Variants in SORCS1 observed in about 807,000 individuals in gnomAD.
SORCS1 encodes the protein VPS10 domain-containing receptor SorCS1.
Under a neutral mutation model 146.1 loss-of-function variants are expected in SORCS1, and 60 were observed. The observed-to-expected ratio is 0.41, with a 90% CI of 0.33 to 0.51. The LOEUF (loss-of-function observed/expected upper bound fraction) is 0.51, where lower values mean the gene tolerates loss of function less well. SORCS1 is among the 20% of genes least tolerant of loss of function. SORCS1 has a pLI of 0.21. For missense variants in SORCS1, 1,352 were observed against 1,487.6 expected, an observed-to-expected ratio of 0.91 and a Z score of 1.50; for synonymous variants, 637 against 584.0, an observed-to-expected ratio of 1.09 and a Z score of -1.31.
At chr10:106,817,754 G>A (rs976032700) in intron 3 of SORCS1, among the ~76,000 whole-genome samples, 10 of 152,144 alleles carry the variant, frequency 6.6e-5, no homozygotes, top group African/African-American at 2.4e-4. Flanking sequence ...CCATCTGTGA[G>A]CTCTCTGCAG....
At chr10:106,887,106 G>T (rs182875295) in intron 2 of SORCS1, among the ~76,000 whole-genome samples, 1 of 152,254 alleles carries the variant, frequency 6.6e-6, no homozygotes, top group East Asian at 1.9e-4. Flanking sequence ...GCACACATCA[G>T]TCACATGAGA....
At chr10:106,864,864 G>T (rs960533164) in intron 2 of SORCS1, among the ~76,000 whole-genome samples, 1 of 152,198 alleles carries the variant, frequency 6.6e-6, no homozygotes, top group African/African-American at 2.4e-5. Flanking sequence ...CTATGAAAAC[G>T]TGACTAGACT....
intron 2 of SORCS1, among the ~76,000 whole-genome samples, chr10:106,907,231 A>T (rs867368124): frequency 1.3e-5 from 2 of 152,220 alleles, no homozygotes; most frequent in South Asian, 4.1e-4. Context: ...CAGTAATAAC[A>T]CACTGGAAAG....
At chr10:107,174,085 T>G in the SORCS1 span, among the ~76,000 whole-genome samples, 1 of 152,236 alleles carries the variant, frequency 6.6e-6, no homozygotes. Flanking sequence ...TAAATCAGTA[T>G]TTTAAAAATA....
intron 3 of SORCS1, among the ~76,000 whole-genome samples, chr10:106,795,395 T>C (rs1355589911): frequency 6.6e-6 from 1 of 152,212 alleles, no homozygotes; most frequent in Non-Finnish European, 1.5e-5. Flanking sequence ...TGGTACATAG[T>C]AGATACTTAA....
intron 1 of SORCS1, among the ~76,000 whole-genome samples, chr10:107,038,696 C>CGGGGGGGGG (rs58516423): frequency 1.3e-5 from 2 of 149,872 alleles, no homozygotes; most frequent in African/African-American, 4.9e-5. Flanking sequence ...GGGCAGGGGG[C>CGGGGGGGGG]GGGGGGGGAG....
intron 1 of SORCS1, among the ~76,000 whole-genome samples, chr10:107,043,631 G>A (rs1959190810): frequency 6.6e-6 from 1 of 152,052 alleles, no homozygotes; most frequent in South Asian, 2.1e-4. Flanking sequence ...ATTGTCTTCA[G>A]CTGTTCAAGG....
At chr10:106,630,675 A>T (rs192072299) in intron 18 of SORCS1, among the ~76,000 whole-genome samples, 1 of 152,328 alleles carries the variant, frequency 6.6e-6, no homozygotes, top group African/African-American at 2.4e-5. Context: ...GCAGTAAATT[A>T]ATTACAGATT....
intron 1 of SORCS1, among the ~76,000 whole-genome samples, chr10:106,976,325 G>GTGTT (rs1956001147): frequency 1.1e-5 from 1 of 90,488 alleles, no homozygotes; most frequent in Non-Finnish European, 2.0e-5. Context: ...CATCATCTAG[G>GTGTT]TTTTTTTGTT....
chr10:107,165,328 T>C (rs2062014586), upstream of SORCS1, among the ~76,000 whole-genome samples: 1 of 150,498 alleles, frequency 6.6e-6, no homozygotes, highest in Non-Finnish European at 1.5e-5. The surrounding 1 kb of genome is among the most constrained non-coding windows in gnomAD (Gnocchi z 4.0). Flanking sequence ...TGTGTTAGTT[T>C]GGGGGATTTT....
chr10:106,716,001 T>G (rs1855344823), intron 6 of SORCS1, among the ~76,000 whole-genome samples: 1 of 152,152 alleles, frequency 6.6e-6, no homozygotes, highest in African/African-American at 2.4e-5. Context: ...TTCGTCTGCC[T>G]CAGCCTCCCA....
At chr10:107,009,119 A>C (rs1012673738) in intron 1 of SORCS1, among the ~76,000 whole-genome samples, 1 of 152,186 alleles carries the variant, frequency 6.6e-6, no homozygotes, top group African/African-American at 2.4e-5. Context: ...ACGTCGATGC[A>C]AAAAAAATTC....
intron 2 of SORCS1, among the ~76,000 whole-genome samples, chr10:106,913,703 C>G (rs1164063145): frequency 6.6e-6 from 1 of 152,212 alleles, no homozygotes; most frequent in East Asian, 1.9e-4. Flanking sequence ...AGTACTAGTT[C>G]TTGTCTCAGC....
chr10:106,768,332 C>T (rs1859734332), intron 4 of SORCS1, among the ~76,000 whole-genome samples: 1 of 152,168 alleles, frequency 6.6e-6, no homozygotes, highest in Admixed American at 6.5e-5. Flanking sequence ...TTATAAAAAA[C>T]TGAGTGCCTT....
At chr10:106,697,039 C>T (rs1853754596) in intron 9 of SORCS1, among the ~76,000 whole-genome samples, 1 of 152,140 alleles carries the variant, frequency 6.6e-6, no homozygotes, top group Non-Finnish European at 1.5e-5. Context: ...CCAGTGGATG[C>T]TCAGAGCAAG....
At chr10:106,598,577 T>A (rs577445196) in intron 23 of SORCS1, among the ~76,000 whole-genome samples, 85 of 152,280 alleles carry the variant, frequency 5.6e-4, no homozygotes, top group African/African-American at 2.0e-3. Context: ...ATTACTTTTA[T>A]CTGGTCTGCT....
chr10:107,177,799 C>T, the SORCS1 span, among the ~76,000 whole-genome samples: 14,848 of 152,228 alleles, frequency 0.098, 854 homozygotes, highest in Non-Finnish European at 0.12. Context: ...GGTACATATA[C>T]ACTGTGGAAT....
At chr10:107,025,079 G>T (rs1181690104) in intron 1 of SORCS1, among the ~76,000 whole-genome samples, 2 of 152,112 alleles carry the variant, frequency 1.3e-5, no homozygotes, top group Non-Finnish European at 2.9e-5. Flanking sequence ...TATTAATTAT[G>T]TCCAATGACT....
Position 106,947,980 on chromosome 10 carries a change from C to T in SORCS1, c.626+8533G>A, listed in dbSNP as rs553542330. 2.6e-5 allele frequency among the ~76,000 whole-genome samples: 4 copies of T among 152,162 alleles called. No individual in the cohort carries two copies. In the East Asian group the frequency reaches 5.8e-4, roughly 22 times the overall value. On this transcript the variant is annotated intron_variant, in intron 2 of 25. Transcript: ENST00000263054. The stretch of plus-strand genomic sequence containing the variant: ...TAATTAAGCATGCAGTTGTTTAATT[C>T]GATATACTGTACAATATGCATACTC...
Sources: gnomAD v4.1 joint callset for allele counts (sites outside exome capture counted in the v4.1 genomes callset) on GRCh38, gnomAD v4.1.1 for gene constraint, Gnocchi (gnomAD v3.1) non-coding constraint, MANE v1.5 for transcripts, NCBI Gene and HGNC (gene_info 2026-07-23, HGNC 2026-07-21) for gene names.